MYO5B: variants seen among roughly 807,000 people sequenced by gnomAD.
The protein encoded by MYO5B is myosin VB.
Under a neutral mutation model 229.3 loss-of-function variants are expected in MYO5B, and 143 were observed. That is an observed-to-expected ratio of 0.62 (90% CI 0.54 to 0.72). The LOEUF (loss-of-function observed/expected upper bound fraction) is 0.72, where lower values mean the gene tolerates loss of function less well. Ranked by LOEUF, MYO5B falls within the 30% of genes least tolerant of loss-of-function variation. MYO5B has a pLI of 0.00. For synonymous variants in MYO5B, 918 were observed against 885.2 expected (o/e 1.04, Z -0.66); for missense variants, 2,321 against 2,331.0 (o/e 1.00, Z 0.09).
intron 1 of MYO5B, among the ~76,000 whole-genome samples, chr18:50,188,816 A>AAAAC (rs1568138517): frequency 2.1e-5 from 3 of 141,294 alleles, no homozygotes; most frequent in African/African-American, 7.9e-5. Flanking sequence ...AAAAAAAAAA[A>AAAAC]ACACACACAC....
chr18:49,968,144 G>A (rs1470046425), intron 10 of MYO5B, among the ~76,000 whole-genome samples: 1 of 152,136 alleles, frequency 6.6e-6, no homozygotes, highest in African/African-American at 2.4e-5. Context: ...ACTAGTACAT[G>A]AGAGCCTCCC....
intron 16 of MYO5B, among the ~76,000 whole-genome samples, chr18:49,935,211 C>T (rs753716880): frequency 1.6e-4 from 24 of 152,128 alleles, no homozygotes; most frequent in Non-Finnish European, 3.2e-4. Context: ...GTGAAGGAGA[C>T]GGAAGAATCA....
At chr18:49,987,569 AGGCAGTC>A (rs145084540) in intron 7 of MYO5B, among the ~76,000 whole-genome samples, 2,323 of 152,266 alleles carry the variant, frequency 0.015, 56 homozygotes, top group African/African-American at 0.053. Flanking sequence ...AGATTGGATC[AGGCAGTC>A]AAAAGAACAC....
chr18:49,873,325 G>T (rs959071907), intron 26 of MYO5B, among the ~76,000 whole-genome samples: 10 of 152,190 alleles, frequency 6.6e-5, no homozygotes, highest in African/African-American at 2.4e-4. Flanking sequence ...GGTAAAAATG[G>T]ACAGATCACT....
At chr18:50,083,087 C>T (rs2031256184) in intron 1 of MYO5B, among the ~76,000 whole-genome samples, 1 of 152,154 alleles carries the variant, frequency 6.6e-6, no homozygotes, top group Admixed American at 6.5e-5. Flanking sequence ...GCTTGTAGAG[C>T]TTAGGTAAGT....
At chr18:49,993,005 C>G (rs1299448006) in intron 5 of MYO5B, among the ~76,000 whole-genome samples, 1 of 152,120 alleles carries the variant, frequency 6.6e-6, no homozygotes, top group African/African-American at 2.4e-5. Flanking sequence ...ACACTCCTTC[C>G]CACCTCAGGA....
At chr18:50,001,451 A>G (rs1013781723) in intron 4 of MYO5B, 40 bp from the exon 5 acceptor site, 8 of 1,611,050 alleles carry the variant, frequency 5.0e-6, no homozygotes, top group Non-Finnish European at 6.8e-6. Context: ...TGGCCATGGA[A>G]AGGCTCTGCT....
At chr18:49,956,746 T>TA (rs1308713955) in intron 12 of MYO5B, among the ~76,000 whole-genome samples, 1 of 152,126 alleles carries the variant, frequency 6.6e-6, no homozygotes, top group Non-Finnish European at 1.5e-5. Flanking sequence ...GCCGGGACCA[T>TA]AGCTCAGTCC....
intron 4 of MYO5B, among the ~76,000 whole-genome samples, chr18:50,005,568 C>T (rs1026860756): frequency 1.3e-5 from 2 of 152,198 alleles, no homozygotes; most frequent in African/African-American, 2.4e-5. Context: ...AGGCATAGGC[C>T]ACCACATCTG....
At chr18:50,015,476 A>G (rs1255628065) in intron 4 of MYO5B, among the ~76,000 whole-genome samples, 1 of 152,216 alleles carries the variant, frequency 6.6e-6, no homozygotes, top group Non-Finnish European at 1.5e-5. Flanking sequence ...TTTCAGTAAT[A>G]GTTATAAGAA....
chr18:50,098,172 A>G (rs2031589261), intron 1 of MYO5B, among the ~76,000 whole-genome samples: 1 of 152,204 alleles, frequency 6.6e-6, no homozygotes, highest in Non-Finnish European at 1.5e-5. Flanking sequence ...AACATCCTCC[A>G]TCAAGCAGGT....
At chr18:50,096,842 T>G (rs1418724737) in intron 1 of MYO5B, among the ~76,000 whole-genome samples, 1 of 152,206 alleles carries the variant, frequency 6.6e-6, no homozygotes, top group Admixed American at 6.5e-5. Flanking sequence ...GGTCCAACAC[T>G]GGCTTCTATG....
chr18:49,979,305 G>A (rs762450645), intron 9 of MYO5B, among the ~76,000 whole-genome samples: 1 of 152,176 alleles, frequency 6.6e-6, no homozygotes, highest in African/African-American at 2.4e-5. Context: ...TTTTCCACTG[G>A]GCCCGACAGG....
chr18:49,921,347 C>T (rs1437214851), intron 17 of MYO5B, among the ~76,000 whole-genome samples: 3 of 148,158 alleles, frequency 2.0e-5, no homozygotes, highest in African/African-American at 7.4e-5. Context: ...ATTTGCTTCA[C>T]AATTTCTCCA....
Position 49,974,351 on chromosome 18 carries a change from C to T in MYO5B, c.1321G>A (p.Gly441Arg). 1 of 1,614,218 alleles carries T rather than the reference C, an allele frequency of 6.2e-7. No individual in the cohort carries two copies. Among genetic ancestry groups the T allele is most frequent in the Non-Finnish European group, 8.5e-7 (1 of 1,180,028 alleles). Reference protein sequence around the residue: ...HSFIGVLDIYGFETFEVNSFE... With the variant: ...HSFIGVLDIYRFETFEVNSFE... ...GAGCGAGACAGGCGGCAGGCCTACC[C>T]ATAGATGTCCAGGACCCCGATGAAG... The change falls in exon 10 of 40, where the codon GGG becomes AGG. Residue 441 changes from glycine to arginine, a missense_variant and splice_region_variant. Gly to Arg is a moderately radical substitution (Grantham distance 125). This residue lies in a region of MYO5B where 2,113 missense variants were observed against 2,044.7 expected (regional missense o/e 1.03). Transcript: ENST00000285039.
chr18:49,833,334 G>A (rs2023945386), intron 39 of MYO5B, among the ~76,000 whole-genome samples: 1 of 152,224 alleles, frequency 6.6e-6, no homozygotes, highest in South Asian at 2.1e-4. Flanking sequence ...GCTTTAACAA[G>A]TAACTTGTCT....
rs2024082943 is a variant in MYO5B at position 49,843,272 on chromosome 18, G to A, written c.4580C>T (p.Ser1527Phe). ...DDLKVHSLLT[S>F]TINGIKKVLK... ...GACTTTCTTAATGCCGTTGATGGTGGAGGTCAGCAGGGAGTGCACCTTGAG... is the reference window on the plus strand; with the variant it reads ...GACTTTCTTAATGCCGTTGATGGTGAAGGTCAGCAGGGAGTGCACCTTGAG... Residue 1527 changes from serine to phenylalanine, a missense_variant, in exon 34 of 40, where the codon TCC becomes TTC. Physicochemically the swap from Ser to Phe is radical, Grantham distance 155. Transcript: ENST00000285039. The A allele has an allele frequency of 6.2e-7, 1 of 1,614,068 alleles. No homozygotes were observed. Among genetic ancestry groups the A allele is most frequent in the Non-Finnish European group, 8.5e-7 (1 of 1,180,040 alleles).
intron 32 of MYO5B, among the ~76,000 whole-genome samples, chr18:49,848,316 T>A (rs2024156220): frequency 6.6e-6 from 1 of 150,884 alleles, no homozygotes; most frequent in Non-Finnish European, 1.5e-5. Context: ...ATGTGGGTGC[T>A]GATGGTGGTG....
chr18:50,195,047 C>A lies in MYO5B; in HGVS notation c.-254G>T. The A allele has an allele frequency of 2.9e-6, 1 of 348,568 alleles. No individual in the cohort carries two copies. The highest frequency in any genetic ancestry group is 5.0e-6 in the Non-Finnish European group (1 of 198,176). The allele number at this position is 348,568 out of a possible 1,614,324, so 21.6% of individuals were successfully genotyped here. On this transcript the variant is annotated 5_prime_UTR_variant, in exon 1 of 40. Transcript: ENST00000285039. ...GCGAGCGCCGGGGGAGGAGGCCGCG[C>A]CGCACCACTCCCCTCCCAGGTGTGG...
Sources: gnomAD v4.1 joint callset for allele counts (sites outside exome capture counted in the v4.1 genomes callset) on GRCh38, gnomAD v4.1.1 for gene constraint, gnomAD v4.1.1 regional missense constraint, MANE v1.5 for transcripts, NCBI Gene and HGNC (gene_info 2026-07-23, HGNC 2026-07-21) for gene names.